The following STK3 variants were observed in gnomAD, a reference collection of about 807,000 sequenced individuals.
STK3 encodes serine/threonine kinase 3, also known as serine/threonine-protein kinase 3.
Under a neutral mutation model 58.0 loss-of-function variants are expected in STK3, and 41 were observed. The ratio of observed to expected loss-of-function variants is 0.71; its 90% confidence interval spans 0.55 to 0.92. The LOEUF is 0.92. Ranked by LOEUF, STK3 falls within the 40% of genes least tolerant of loss-of-function variation. The pLI, the probability that STK3 is intolerant of heterozygous loss-of-function variation, is 0.00. For missense variants in STK3, 479 were observed against 602.7 expected (o/e 0.79, Z 2.15); for synonymous variants, 170 against 191.0 (o/e 0.89, Z 0.91).
At chr8:98,512,695 C>A (rs1294953489) in intron 10 of STK3, among the ~76,000 whole-genome samples, 1 of 152,106 alleles carries the variant, frequency 6.6e-6, no homozygotes, top group African/African-American at 2.4e-5. Context: ...TACCCAGGGC[C>A]ACTGGAAATT....
chr8:98,438,712 CTG>C (rs55749428), intron 1 of STK3: 72,476 of 150,462 alleles, frequency 0.48, 17,804 homozygotes, highest in East Asian at 0.6. Context: ...GTGTGAGTCT[CTG>C]TGTGTGTGTG....
intron 6 of STK3, among the ~76,000 whole-genome samples, chr8:98,646,584 T>C (rs1820412782): frequency 2.0e-5 from 3 of 152,140 alleles, no homozygotes; most frequent in Admixed American, 2.0e-4. Flanking sequence ...ACACCTGCTA[T>C]AAACCAAAAT....
chr8:98,547,903 C>A, intron 9 of STK3, 66 bp downstream of exon 9: 1 of 1,379,610 alleles, frequency 7.2e-7, no homozygotes, highest in Non-Finnish European at 9.5e-7. Context: ...ACAGAACTAG[C>A]CTGGTTCCTA....
At chr8:98,721,384 G>T (rs765175271) in intron 4 of STK3, among the ~76,000 whole-genome samples, 2 of 151,968 alleles carry the variant, frequency 1.3e-5, no homozygotes, top group African/African-American at 2.4e-5. Flanking sequence ...CAGAAAAATA[G>T]CCAGTTATGG....
intron 6 of STK3, among the ~76,000 whole-genome samples, chr8:98,634,262 G>T (rs931677957): frequency 6.6e-6 from 1 of 152,116 alleles, no homozygotes; most frequent in Non-Finnish European, 1.5e-5. Context: ...CAAGGCAGGC[G>T]GATCACTTGA....
At chr8:98,488,448 G>A (rs1041291711) in intron 10 of STK3, among the ~76,000 whole-genome samples, 1 of 152,126 alleles carries the variant, frequency 6.6e-6, no homozygotes, top group Non-Finnish European at 1.5e-5. Context: ...TAACAAAACT[G>A]TTTCCTAGTT....
chr8:98,694,748 C>A (rs1824721543), intron 6 of STK3, among the ~76,000 whole-genome samples: 1 of 152,134 alleles, frequency 6.6e-6, no homozygotes, highest in Non-Finnish European at 1.5e-5. Flanking sequence ...TCCAGTCTAT[C>A]ATTGTTGGAC....
intron 3 of STK3, among the ~76,000 whole-genome samples, chr8:98,840,625 A>ATATG (rs1835943543): frequency 7.8e-6 from 1 of 127,994 alleles, no homozygotes; most frequent in Non-Finnish European, 1.7e-5. Context: ...ATATATATAT[A>ATATG]TATACACACA....
chr8:98,794,614 C>A (rs913052771), intron 1 of STK3, among the ~76,000 whole-genome samples: 1 of 152,138 alleles, frequency 6.6e-6, no homozygotes, highest in African/African-American at 2.4e-5. Context: ...TGGTATCAAT[C>A]CTTCTGAAAC....
At chr8:98,383,243 G>A (rs78195485) in intron 1 of STK3, among the ~76,000 whole-genome samples, 4,846 of 152,268 alleles carry the variant, frequency 0.032, 233 homozygotes, top group African/African-American at 0.11. Context: ...CAGATAGGGA[G>A]GCAAGCTTCA....
chr8:98,859,450 T>C (rs1836845662), intron 3 of STK3, among the ~76,000 whole-genome samples: 1 of 152,172 alleles, frequency 6.6e-6, no homozygotes, highest in Non-Finnish European at 1.5e-5. Flanking sequence ...CAAGCTCTAG[T>C]TATACATGGA....
intron 10 of STK3, among the ~76,000 whole-genome samples, chr8:98,518,423 G>C (rs906615844): frequency 6.6e-6 from 1 of 152,102 alleles, no homozygotes; most frequent in African/African-American, 2.4e-5. Context: ...AGATAGCCAA[G>C]TGGATTAAAT....
chr8:98,572,479 T>C (rs1464193946), intron 8 of STK3, among the ~76,000 whole-genome samples: 1 of 152,218 alleles, frequency 6.6e-6, no homozygotes, highest in African/African-American at 2.4e-5. Flanking sequence ...TTTAAAACTG[T>C]ATATGTAATT....
At chr8:98,857,926 GA>G (rs143911882) in intron 3 of STK3, among the ~76,000 whole-genome samples, 2,732 of 152,148 alleles carry the variant, frequency 0.018, 77 homozygotes, top group African/African-American at 0.063. Flanking sequence ...GGAGAAAGGA[GA>G]AAAGGAAAAG....
chr8:98,594,831 C>T (rs1815665122), intron 7 of STK3: 1 of 152,160 alleles, frequency 6.6e-6, no homozygotes, highest in South Asian at 2.1e-4. Flanking sequence ...AAGTCTCCAT[C>T]CCAGTCCTGC....
At chr8:98,821,123 G>A (rs1834869101) in intron 1 of STK3, among the ~76,000 whole-genome samples, 2 of 152,174 alleles carry the variant, frequency 1.3e-5, no homozygotes, top group South Asian at 4.1e-4. Flanking sequence ...TTAGGAACCA[G>A]GCAACACAGC....
At chr8:98,786,511 G>A (rs1270816767) in intron 1 of STK3, among the ~76,000 whole-genome samples, 4 of 152,074 alleles carry the variant, frequency 2.6e-5, no homozygotes, top group Non-Finnish European at 5.9e-5. Flanking sequence ...TCACATCACT[G>A]CAAAACAGAT....
At chr8:98,668,237 G>A (rs1822520149) in intron 6 of STK3, among the ~76,000 whole-genome samples, 1 of 152,156 alleles carries the variant, frequency 6.6e-6, no homozygotes, top group Non-Finnish European at 1.5e-5. Flanking sequence ...AATTTAAACA[G>A]AATTAATTTC....
chr8:98,744,820 T>C (rs1425476573), intron 4 of STK3, among the ~76,000 whole-genome samples: 1 of 151,422 alleles, frequency 6.6e-6, no homozygotes, highest in African/African-American at 2.4e-5. Flanking sequence ...GACAAATATA[T>C]ACATAACTTT....
Sources: gnomAD v4.1 joint callset for allele counts (sites outside exome capture counted in the v4.1 genomes callset) on GRCh38, gnomAD v4.1.1 for gene constraint, MANE v1.5 for transcripts, NCBI Gene and HGNC (gene_info 2026-07-23, HGNC 2026-07-21) for gene names.